Variants in PCLAF observed in about 807,000 individuals in gnomAD.
PCLAF encodes PCNA-associated factor.
In PCLAF, 12 loss-of-function variants were observed where a neutral mutation model predicts 15.1. That is an observed-to-expected ratio of 0.79 (90% CI 0.51 to 1.29). The LOEUF is 1.29. Ranked by LOEUF, PCLAF falls within the 50% of genes most tolerant of loss-of-function variation. The probability of loss-of-function intolerance (pLI) is 0.00; values close to 1 mark genes in which losing one functional copy is unlikely to be tolerated. For missense variants in PCLAF, 116 were observed against 130.9 expected, an observed-to-expected ratio of 0.89 and a Z score of 0.56; for synonymous variants, 33 against 47.1, an observed-to-expected ratio of 0.70 and a Z score of 1.22.
In PCLAF at chr15:64,381,379, C is replaced by T; in HGVS notation, c.-8G>A. On this transcript the variant is annotated 5_prime_UTR_variant, in exon 1 of 4. Transcript: ENST00000300035. ...TGCTTTAGTCCGCACCATGTTCAAA[C>T]AAGAAGAGAGGAGAGGAGAGAACGA... The T allele has an allele frequency of 6.2e-7, 1 of 1,614,140 alleles. No homozygotes were observed. The highest frequency in any genetic ancestry group is 1.1e-5 in the South Asian group (1 of 91,080).
At chr15:64,370,437 G>C (rs188239875) in intron 3 of PCLAF, among the ~76,000 whole-genome samples, 1 of 150,982 alleles carries the variant, frequency 6.6e-6, no homozygotes, top group East Asian at 1.9e-4. Flanking sequence ...GCATGATCTC[G>C]GCTCACTGCA....
intron 3 of PCLAF, among the ~76,000 whole-genome samples, chr15:64,370,828 T>C (rs146610666): frequency 0.026 from 1,902 of 73,396 alleles, 19 homozygotes; most frequent in Non-Finnish European, 0.037. Flanking sequence ...CTCATAAAGT[T>C]GTTTTTTTTT....
upstream of PCLAF, among the ~76,000 whole-genome samples, chr15:64,383,957 C>G (rs903377987): frequency 1.3e-5 from 2 of 151,448 alleles, no homozygotes; most frequent in Admixed American, 1.3e-4. Context: ...AAAAAAAGTG[C>G]TGATGCCTAG....
At chr15:64,381,916 A>G (rs577701222), upstream of PCLAF, among the ~76,000 whole-genome samples, 7 of 152,348 alleles carry the variant, frequency 4.6e-5, no homozygotes, top group South Asian at 1.2e-3. Flanking sequence ...TCCATACTAA[A>G]ACAATTCTAT....
At chr15:64,373,687 C>A in intron 3 of PCLAF, 1 of 1,534,716 alleles carries the variant, frequency 6.5e-7, no homozygotes. Context: ...GCATCGCCAC[C>A]ATCCCCTTAC....
intron 3 of PCLAF, among the ~76,000 whole-genome samples, chr15:64,375,344 G>A (rs956137191): frequency 1.1e-4 from 16 of 151,766 alleles, no homozygotes; most frequent in African/African-American, 3.4e-4. Flanking sequence ...GGATGGTCTC[G>A]ATCTCTTGAT....
upstream of PCLAF, among the ~76,000 whole-genome samples, chr15:64,383,370 TG>T (rs1899872460): frequency 6.8e-6 from 1 of 147,040 alleles, no homozygotes; most frequent in South Asian, 2.2e-4. Context: ...TTTGTGTGTG[TG>T]TTTTTTTTTT....
At chr15:64,376,578 C>G (rs1453638496) in intron 3 of PCLAF, among the ~76,000 whole-genome samples, 165 bp downstream of exon 3, 1 of 152,084 alleles carries the variant, frequency 6.6e-6, no homozygotes. Flanking sequence ...CACCAGCACG[C>G]CGAGCTAATT....
upstream of PCLAF, among the ~76,000 whole-genome samples, chr15:64,386,360 G>A (rs541588332): frequency 2.0e-5 from 3 of 152,054 alleles, no homozygotes; most frequent in South Asian, 2.1e-4. Context: ...TTGCTCTGTC[G>A]CCCAGGCTGG....
At chr15:64,372,420 C>T (rs182191375) in intron 3 of PCLAF, among the ~76,000 whole-genome samples, 6,549 of 151,802 alleles carry the variant, frequency 0.043, 140 homozygotes, top group South Asian at 0.078. Flanking sequence ...CAAGACCATC[C>T]TGGCTAACAT....
At chr15:64,384,175 T>G (rs535828169), upstream of PCLAF, among the ~76,000 whole-genome samples, 3 of 152,184 alleles carry the variant, frequency 2.0e-5, no homozygotes, top group African/African-American at 7.2e-5. Context: ...CACTCTGTCA[T>G]CCAGGCTGGA....
At chr15:64,377,176 C>A (rs1899627320) in intron 2 of PCLAF, among the ~76,000 whole-genome samples, 1 of 151,558 alleles carries the variant, frequency 6.6e-6, no homozygotes, top group Non-Finnish European at 1.5e-5. Context: ...CAGAGCTATT[C>A]AAATACTCTT....
intron 3 of PCLAF, among the ~76,000 whole-genome samples, chr15:64,371,715 GC>G (rs1251963382): frequency 6.6e-6 from 1 of 152,150 alleles, no homozygotes; most frequent in African/African-American, 2.4e-5. Context: ...TCCTGCCTCA[GC>G]CTCCTGAGCA....
chr15:64,377,517 A>T (rs1300480983), intron 2 of PCLAF, among the ~76,000 whole-genome samples: 5 of 97,472 alleles, frequency 5.1e-5, no homozygotes, highest in African/African-American at 7.8e-5. Flanking sequence ...ATATATATAT[A>T]TATATATATA....
intron 2 of PCLAF, among the ~76,000 whole-genome samples, chr15:64,377,937 T>C (rs1190751527): frequency 1.4e-5 from 2 of 146,026 alleles, no homozygotes; most frequent in Non-Finnish European, 3.0e-5. Flanking sequence ...TTGTTTTTGT[T>C]TTTTTGGGGG....
upstream of PCLAF, chr15:64,381,655 G>T: frequency 4.5e-6 from 3 of 662,894 alleles, no homozygotes; most frequent in Non-Finnish European, 7.3e-6. Flanking sequence ...GGCGGTACCA[G>T]GACTCTCCAG....
At chr15:64,373,120 T>C (rs116043393) in intron 3 of PCLAF, 1 of 152,236 alleles carries the variant, frequency 6.6e-6, no homozygotes, top group Non-Finnish European at 1.5e-5. Flanking sequence ...AATGCACATA[T>C]ATAATAAATA....
chr15:64,365,107 A>G lies in PCLAF; in HGVS notation c.*923T>C, dbSNP rs1289865411. 2.8e-5 allele frequency: 4 copies of G among 144,546 alleles called. No individual in the cohort carries two copies. The highest frequency in any genetic ancestry group is 1.0e-4 in the African/African-American group (4 of 38,540). The allele number at this position is 144,546 out of a possible 1,614,324, so 9.0% of individuals were successfully genotyped here. On this transcript the variant is annotated 3_prime_UTR_variant, in exon 4 of 4. Transcript: ENST00000300035. ...AAGCTCCACTTCCCGGGTTCACGCCATTCTCCTGCCTCAGCCTCCCGAGTA... is the reference window on the plus strand; with the variant it reads ...AAGCTCCACTTCCCGGGTTCACGCCGTTCTCCTGCCTCAGCCTCCCGAGTA...
intron 3 of PCLAF, among the ~76,000 whole-genome samples, chr15:64,368,203 G>C (rs1899127824): frequency 6.6e-6 from 1 of 151,854 alleles, no homozygotes; most frequent in Non-Finnish European, 1.5e-5. Flanking sequence ...CAATTAGCTG[G>C]GCATGGTGAC....
Sources: allele counts gnomAD v4.1 joint callset (sites outside exome capture counted in the v4.1 genomes callset), GRCh38; gene constraint gnomAD v4.1.1; transcripts MANE v1.5; gene names NCBI Gene and HGNC (gene_info 2026-07-23, HGNC 2026-07-21).